The following CPE variants were observed in gnomAD, a reference collection of about 807,000 sequenced individuals.
CPE encodes carbocypeptidase E.
A neutral mutation model predicts 53.5 loss-of-function variants in CPE; 17 were observed. The observed-to-expected ratio is 0.32, with a 90% CI of 0.22 to 0.48. The LOEUF is 0.48. Among genes scored for constraint, CPE ranks in the 20% least tolerant of loss-of-function variants. The pLI, the probability that CPE is intolerant of heterozygous loss-of-function variation, is 0.99. For synonymous variants in CPE, 226 were observed against 228.8 expected, an observed-to-expected ratio of 0.99 and a Z score of 0.11; for missense variants, 524 against 614.7, an observed-to-expected ratio of 0.85 and a Z score of 1.56.
intron 1 of CPE, among the ~76,000 whole-genome samples, chr4:165,464,040 T>C (rs1432518853): frequency 2.6e-5 from 4 of 152,198 alleles, no homozygotes; most frequent in Admixed American, 2.6e-4. Flanking sequence ...GAAAGAGGGC[T>C]CTGGTGTCTC....
chr4:165,449,328 A>G (rs948973090), intron 1 of CPE, among the ~76,000 whole-genome samples: 1 of 152,246 alleles, frequency 6.6e-6, no homozygotes, highest in Admixed American at 6.5e-5. Context: ...TTGTGACACA[A>G]TAATGTTCAC....
At position 165,379,569 on chromosome 4, in the gene CPE, A is replaced by AG. The variant is rs761574709; in HGVS notation, c.307+47dup. On this transcript the variant is annotated intron_variant, in intron 1 of 8. Transcript: ENST00000402744. This position sits in a 1 kb window ranked among gnomAD's most constrained non-coding sequence, Gnocchi z 6.0. ...CCTGACAGCCCTGGGGGCATCCCGGAGGGGGGCGGCAGAGGGTGGGACTGG... is the reference window on the plus strand; with the variant it reads ...CCTGACAGCCCTGGGGGCATCCCGGAGGGGGGGCGGCAGAGGGTGGGACTGG... 7.0e-6 allele frequency: 7 copies of AG among 997,138 alleles called. No individual in the cohort carries two copies. The highest frequency in any genetic ancestry group is 4.4e-5 in the South Asian group (2 of 45,186). 61.8% of individuals were successfully genotyped at this position (997,138 alleles called of 1,614,324 possible).
rs550703066 is a variant in CPE at position 165,385,709 on chromosome 4, G to A, written c.307+6181G>A. Among the ~76,000 whole-genome samples, 7 of 152,260 alleles carry A rather than the reference G, an allele frequency of 4.6e-5. No individual in the cohort carries two copies. In the South Asian group the frequency reaches 1.0e-3, roughly 23 times the overall value. On this transcript the variant is annotated intron_variant, in intron 1 of 8. Transcript: ENST00000402744. The stretch of plus-strand genomic sequence containing the variant: ...TCAAGCAAGCTTGAATCAAGCAAGC[G>A]TCACTCAATAGGACACTCAATAGGA...
chr4:165,481,109 T>C (rs939132169), intron 3 of CPE, among the ~76,000 whole-genome samples: 1 of 150,944 alleles, frequency 6.6e-6, no homozygotes, highest in Non-Finnish European at 1.5e-5. Flanking sequence ...TTTTCCACAG[T>C]TAACAGTAGC....
In CPE at chr4:165,379,447, A is replaced by T. The variant is rs767714027; in HGVS notation, c.226A>T (p.Ile76Phe). Residue 76 changes from isoleucine (I) to phenylalanine (F), a missense_variant, in exon 1 of 9, where the codon ATT becomes TTT. Transcript: ENST00000402744. This position sits in a 1 kb window ranked among gnomAD's most constrained non-coding sequence, Gnocchi z 6.0. ...VWLQCTAISR[I>F]YTVGRSFEGR... is the part of the protein sequence containing the mutation. ...GCTGCAGTGCACCGCCATCAGCAGG[A>T]TTTACACGGTGGGGCGCAGCTTCGA... 1 of 1,609,260 alleles carries T rather than the reference A, an allele frequency of 6.2e-7. No individual in the cohort carries two copies. Among genetic ancestry groups the T allele is most frequent in the African/African-American group, 1.3e-5 (1 of 74,830 alleles).
Position 165,379,391 on chromosome 4 carries a change from C to G in CPE, c.170C>G (p.Pro57Arg), listed in dbSNP as rs1014437803. The G allele has an allele frequency of 9.9e-6, 16 of 1,609,380 alleles. No individual in the cohort carries two copies. Among genetic ancestry groups the G allele is most frequent in the Admixed American group, 1.7e-5 (1 of 59,768 alleles). Residue 57 changes from proline to arginine, a missense_variant, in exon 1 of 9, where the codon CCC becomes CGC. Coordinates refer to ENST00000402744, the MANE Select transcript of CPE (RefSeq NM_001873.4). This position sits in a 1 kb window ranked among gnomAD's most constrained non-coding sequence, Gnocchi z 6.0. ...ATCTCCTTCGAGTACCACCGCTACC[C>G]CGAGCTGCGCGAGGCGCTCGTGTCC... ...DGISFEYHRY[P>R]ELREALVSVW...
intron 4 of CPE, among the ~76,000 whole-genome samples, chr4:165,484,108 A>G (rs1732462883): frequency 6.6e-6 from 1 of 152,172 alleles, no homozygotes; most frequent in Admixed American, 6.5e-5. Context: ...TAAAGATTTA[A>G]TGATAAAAAT....
chr4:165,422,398 T>C (rs915947920), intron 1 of CPE, among the ~76,000 whole-genome samples: 1 of 152,136 alleles, frequency 6.6e-6, no homozygotes, highest in African/African-American at 2.4e-5. Flanking sequence ...TTTATTTTTA[T>C]ATTTAAGCAG....
At chr4:165,427,698 C>T (rs532834581) in intron 1 of CPE, among the ~76,000 whole-genome samples, 39 of 152,232 alleles carry the variant, frequency 2.6e-4, no homozygotes, top group African/African-American at 6.7e-4. Flanking sequence ...AAGGCTCTGA[C>T]GGAAGTATTC....
Position 165,379,084 on chromosome 4 carries a change from G to T in CPE, c.-138G>T. ...CAGTGCGCGGGCTGACACTCATTCA[G>T]CCGGGGAAGGTGAGGCGAGTAGAGG... On this transcript the variant is annotated 5_prime_UTR_variant, in exon 1 of 9. Coordinates refer to ENST00000402744, the MANE Select transcript of CPE (RefSeq NM_001873.4). This position sits in a 1 kb window ranked among gnomAD's most constrained non-coding sequence, Gnocchi z 6.0. 1 of 783,804 alleles carries T rather than the reference G, an allele frequency of 1.3e-6. No homozygotes were observed. The highest frequency in any genetic ancestry group is 1.7e-6 in the Non-Finnish European group (1 of 591,312). 48.6% of individuals were successfully genotyped at this position (783,804 alleles called of 1,614,324 possible). A position where few individuals can be genotyped will look rare whatever the true frequency, so the allele number is the denominator to read the frequency against.
intron 1 of CPE, chr4:165,405,602 ATCT>A (rs1249601922): frequency 1.5e-5 from 12 of 793,088 alleles, no homozygotes; most frequent in African/African-American, 1.0e-4. Context: ...CTTTGGAGAG[ATCT>A]TCTTATCAGC....
At chr4:165,399,503 C>T (rs1452273236) in intron 1 of CPE, among the ~76,000 whole-genome samples, 1 of 152,152 alleles carries the variant, frequency 6.6e-6, no homozygotes, top group Non-Finnish European at 1.5e-5. Context: ...TCCTGAGTAG[C>T]TGGGACTACA....
chr4:165,469,706 T>C (rs114232351), intron 3 of CPE, among the ~76,000 whole-genome samples: 1,616 of 152,318 alleles, frequency 0.011, 14 homozygotes, highest in Non-Finnish European at 0.016. Context: ...TGTTTTCCCC[T>C]TTGATTCTAG....
intron 1 of CPE, among the ~76,000 whole-genome samples, chr4:165,396,037 C>CT (rs1255699374): frequency 6.6e-5 from 10 of 151,888 alleles, no homozygotes; most frequent in South Asian, 4.2e-4. Flanking sequence ...TTGCTTTGAT[C>CT]TTTTTTTTCC....
At chr4:165,476,464 G>T (rs1249710388) in intron 3 of CPE, among the ~76,000 whole-genome samples, 3 of 150,802 alleles carry the variant, frequency 2.0e-5, no homozygotes, top group African/African-American at 7.3e-5. Context: ...CCTAGAGGAA[G>T]GTCATATACC....
chr4:165,478,292 A>G (rs1732338729), intron 3 of CPE, among the ~76,000 whole-genome samples: 1 of 152,226 alleles, frequency 6.6e-6, no homozygotes, highest in Admixed American at 6.5e-5. Flanking sequence ...TCAGTTAAAT[A>G]TATAATTATA....
intron 1 of CPE, among the ~76,000 whole-genome samples, chr4:165,433,815 A>G (rs1047409385): frequency 6.6e-6 from 1 of 152,154 alleles, no homozygotes; most frequent in Non-Finnish European, 1.5e-5. Flanking sequence ...GCCTAATGTT[A>G]TTTAATTGAC....
chr4:165,468,130 T>A (rs1399674948), intron 3 of CPE, among the ~76,000 whole-genome samples: 2 of 152,146 alleles, frequency 1.3e-5, no homozygotes, highest in Non-Finnish European at 2.9e-5. Context: ...CAGAGACCCT[T>A]TATTAGCTCA....
chr4:165,438,207 A>G (rs1203365258), intron 1 of CPE, among the ~76,000 whole-genome samples: 1 of 152,142 alleles, frequency 6.6e-6, no homozygotes, highest in African/African-American at 2.4e-5. Flanking sequence ...TAACAGACCC[A>G]GTGGGAGATG....
Sources: allele counts gnomAD v4.1 joint callset (sites outside exome capture counted in the v4.1 genomes callset), GRCh38; gene constraint gnomAD v4.1.1; non-coding constraint Gnocchi (gnomAD v3.1); transcripts MANE v1.5; gene names NCBI Gene and HGNC (gene_info 2026-07-23, HGNC 2026-07-21).